VAT1L: variants seen among roughly 807,000 people sequenced by gnomAD.
The protein encoded by VAT1L is vesicle amine transport 1 like.
In VAT1L, 34 loss-of-function variants were observed where a neutral mutation model predicts 44.1. The ratio of observed to expected loss-of-function variants is 0.77; its 90% CI spans 0.59 to 1.03. VAT1L has a LOEUF of 1.03. Ranked by LOEUF, VAT1L falls within the 50% of genes least tolerant of loss-of-function variation. The pLI is 0.00. For missense variants in VAT1L, 615 were observed against 538.8 expected (o/e 1.14, Z -1.40); for synonymous variants, 253 against 202.2 (o/e 1.25, Z -2.13).
intron 7 of VAT1L, among the ~76,000 whole-genome samples, chr16:77,898,062 T>C (rs182408038): frequency 9.8e-5 from 15 of 152,292 alleles, no homozygotes; most frequent in African/African-American, 3.4e-4. Flanking sequence ...CATGCATCTC[T>C]CTTAGGTCTG....
chr16:77,976,108 A>G (rs902193205), intron 8 of VAT1L, among the ~76,000 whole-genome samples: 1 of 152,248 alleles, frequency 6.6e-6, no homozygotes, highest in African/African-American at 2.4e-5. Context: ...TTAGTTCTTC[A>G]TTATCCTAAA....
intron 7 of VAT1L, among the ~76,000 whole-genome samples, chr16:77,944,992 G>T (rs1044949162): frequency 1.3e-5 from 2 of 152,142 alleles, no homozygotes; most frequent in Non-Finnish European, 2.9e-5. Flanking sequence ...AAGCCTGCAT[G>T]GAATCCCAGA....
intron 7 of VAT1L, among the ~76,000 whole-genome samples, chr16:77,961,415 A>G (rs578213934): frequency 1.3e-5 from 2 of 151,500 alleles, no homozygotes; most frequent in Non-Finnish European, 2.9e-5. Context: ...ACCTTGCCCT[A>G]CTCCTGGCTC....
At chr16:77,902,646 A>G (rs34327887) in intron 7 of VAT1L, among the ~76,000 whole-genome samples, 13,906 of 150,688 alleles carry the variant, frequency 0.092, 839 homozygotes, top group Non-Finnish European at 0.14. Flanking sequence ...AAATAGATCA[A>G]TCAATCAATC....
chr16:77,894,048 C>T (rs2017295773), intron 7 of VAT1L, among the ~76,000 whole-genome samples: 1 of 152,184 alleles, frequency 6.6e-6, no homozygotes, highest in Non-Finnish European at 1.5e-5. Flanking sequence ...CCCAAGGTCA[C>T]ACGGCCAATG....
chr16:77,929,231 C>G (rs1212203660), intron 7 of VAT1L, among the ~76,000 whole-genome samples: 1 of 152,184 alleles, frequency 6.6e-6, no homozygotes, highest in Non-Finnish European at 1.5e-5. Flanking sequence ...AATTCCCCCT[C>G]TCCTTCAATA....
intron 7 of VAT1L, among the ~76,000 whole-genome samples, chr16:77,954,751 G>T (rs986368035): frequency 2.0e-5 from 3 of 152,218 alleles, no homozygotes; most frequent in Non-Finnish European, 4.4e-5. Flanking sequence ...ACAGTAGGCA[G>T]TCAATATTTG....
intron 8 of VAT1L, among the ~76,000 whole-genome samples, chr16:77,974,703 C>T (rs2018316559): frequency 6.6e-6 from 1 of 152,156 alleles, no homozygotes; most frequent in Non-Finnish European, 1.5e-5. Context: ...GCTGGAATTA[C>T]AGGCACATGC....
intron 7 of VAT1L, among the ~76,000 whole-genome samples, chr16:77,910,233 C>T (rs1465273481): frequency 6.6e-6 from 1 of 152,126 alleles, no homozygotes. Context: ...AAAATGAAAA[C>T]TTGGGAAATG....
chr16:77,794,826 G>A (rs1417042878), intron 1 of VAT1L, among the ~76,000 whole-genome samples: 4 of 152,148 alleles, frequency 2.6e-5, no homozygotes, highest in African/African-American at 9.7e-5. Context: ...CTCATTTGAT[G>A]ATGAGAAAGA....
rs868707727 is a variant in VAT1L, at chr16:77,878,700, C to A, written c.827-469C>A. Among the ~76,000 whole-genome samples, 21 of 152,106 alleles carry A rather than the reference C, an allele frequency of 1.4e-4. 1 individual carries two copies. The highest frequency in any genetic ancestry group is 6.8e-3 in the Middle Eastern group (2 of 294). On this transcript the variant is annotated intron_variant, in intron 5 of 8. Transcript: ENST00000302536. ...TGTGAGCTTCTATACCCATTTTTTC[C>A]AATCCATCTATATTTTAACTCTGCT...
At chr16:77,802,488 G>A (rs2016076533) in intron 1 of VAT1L, among the ~76,000 whole-genome samples, 1 of 151,998 alleles carries the variant, frequency 6.6e-6, no homozygotes, top group Non-Finnish European at 1.5e-5. Flanking sequence ...GGTGGCAGGC[G>A]CCTGTAATCC....
intron 1 of VAT1L, among the ~76,000 whole-genome samples, chr16:77,815,701 G>T (rs375636749): frequency 3.3e-5 from 5 of 152,130 alleles, no homozygotes; most frequent in African/African-American, 1.2e-4. Flanking sequence ...GGGCACAGTG[G>T]CTCATGCCTG....
chr16:77,972,353 C>T (rs1458247008), intron 8 of VAT1L, among the ~76,000 whole-genome samples: 1 of 152,116 alleles, frequency 6.6e-6, no homozygotes, highest in African/African-American at 2.4e-5. Context: ...GTCTTAAACT[C>T]TGTCACCCAG....
chr16:77,844,483 C>T (rs111544137), intron 3 of VAT1L, among the ~76,000 whole-genome samples: 4,389 of 152,032 alleles, frequency 0.029, 228 homozygotes, highest in African/African-American at 0.1. Context: ...ATCTCAGCTC[C>T]CTGCAACCTC....
chr16:77,844,911 G>C (rs1340911653), intron 3 of VAT1L, among the ~76,000 whole-genome samples: 1 of 152,172 alleles, frequency 6.6e-6, no homozygotes, highest in Non-Finnish European at 1.5e-5. Flanking sequence ...ATATCAGGCA[G>C]AGAGACCTAC....
At chr16:77,806,457 C>A (rs2016161023) in intron 1 of VAT1L, among the ~76,000 whole-genome samples, 1 of 150,472 alleles carries the variant, frequency 6.6e-6, no homozygotes, top group Admixed American at 6.7e-5. Flanking sequence ...GATCTGCCCA[C>A]CTCGGCCTCC....
intron 2 of VAT1L, among the ~76,000 whole-genome samples, chr16:77,824,521 C>T (rs1309368092): frequency 6.6e-6 from 1 of 151,862 alleles, no homozygotes; most frequent in African/African-American, 2.4e-5. Flanking sequence ...TTTGGGAGGT[C>T]GAGACAGGCG....
intron 3 of VAT1L, among the ~76,000 whole-genome samples, chr16:77,848,354 A>G (rs894528109): frequency 6.6e-6 from 1 of 152,184 alleles, no homozygotes; most frequent in Non-Finnish European, 1.5e-5. Flanking sequence ...GGATGACTCA[A>G]GGACATTTTA....
Sources: allele counts gnomAD v4.1 joint callset (sites outside exome capture counted in the v4.1 genomes callset), GRCh38; gene constraint gnomAD v4.1.1; transcripts MANE v1.5; gene names NCBI Gene and HGNC (gene_info 2026-07-23, HGNC 2026-07-21).